Variants in SNTB1 observed in about 807,000 individuals in gnomAD.
SNTB1 encodes beta-1-syntrophin.
Under a neutral mutation model 48.9 loss-of-function variants are expected in SNTB1, and 36 were observed. The ratio of observed to expected loss-of-function variants is 0.74; its 90% CI spans 0.56 to 0.97. The LOEUF (loss-of-function observed/expected upper bound fraction) is 0.97, where lower values mean the gene tolerates loss of function less well. Ranked by LOEUF, SNTB1 falls within the 50% of genes least tolerant of loss-of-function variation. The pLI is 0.00. For missense variants in SNTB1, 786 were observed against 703.4 expected, an observed-to-expected ratio of 1.12 and a Z score of -1.33; for synonymous variants, 299 against 294.6, an observed-to-expected ratio of 1.01 and a Z score of -0.15.
intron 4 of SNTB1, among the ~76,000 whole-genome samples, chr8:120,551,254 C>CAA (rs11304538): frequency 1.2e-4 from 10 of 80,650 alleles, no homozygotes; most frequent in African/African-American, 3.4e-4. Flanking sequence ...GACTCCATCT[C>CAA]AAAAAAAAAA....
intron 1 of SNTB1, among the ~76,000 whole-genome samples, chr8:120,807,320 C>T (rs1353781416): frequency 6.6e-6 from 1 of 152,208 alleles, no homozygotes; most frequent in African/African-American, 2.4e-5. Context: ...CTGCCAAGGA[C>T]GTTTGTGCAG....
At chr8:120,711,807 C>A (rs2129919815) in intron 1 of SNTB1, among the ~76,000 whole-genome samples, 1 of 151,984 alleles carries the variant, frequency 6.6e-6, no homozygotes, top group South Asian at 2.1e-4. Flanking sequence ...GGAGCAGAAC[C>A]CAAAAAACAA....
chr8:120,786,719 TGCTGGCTTG>T (rs1182254637), intron 1 of SNTB1, among the ~76,000 whole-genome samples: 1 of 152,218 alleles, frequency 6.6e-6, no homozygotes, highest in African/African-American at 2.4e-5. Flanking sequence ...ACTGCTTTCC[TGCTGGCTTG>T]CAATGGAGGC....
intron 1 of SNTB1, among the ~76,000 whole-genome samples, chr8:120,806,538 TTAAAG>T (rs1028522440): frequency 3.3e-5 from 5 of 152,250 alleles, no homozygotes; most frequent in African/African-American, 9.6e-5. Context: ...ATGTTTAAAC[TTAAAG>T]TAGAGTTAGG....
rs1818325030 is a variant in SNTB1, at chr8:120,702,595, C to T, written c.572-8687G>A. Among the ~76,000 whole-genome samples, 5 of 151,716 alleles carry T rather than the reference C, an allele frequency of 3.3e-5. No individual in the cohort carries two copies. The South Asian group carries it at 1.0e-3, about 31-fold the overall frequency. On this transcript the variant is annotated intron_variant, in intron 1 of 6. Transcript: ENST00000517992. ...CACCAGCTGTGCTTTGTAGCAGCTTCCACTGATATCAACAGCATCAGGACC... is the reference window on the plus strand; with the variant it reads ...CACCAGCTGTGCTTTGTAGCAGCTTTCACTGATATCAACAGCATCAGGACC...
intron 4 of SNTB1, among the ~76,000 whole-genome samples, chr8:120,553,224 CAG>C (rs1815512129): frequency 1.3e-5 from 2 of 152,100 alleles, no homozygotes; most frequent in South Asian, 4.1e-4. Context: ...TTAATAAAAA[CAG>C]AGAAGAGGAA....
intron 2 of SNTB1, among the ~76,000 whole-genome samples, chr8:120,684,245 T>C (rs1408015167): frequency 6.6e-6 from 1 of 152,174 alleles, no homozygotes; most frequent in Non-Finnish European, 1.5e-5. Flanking sequence ...CTCTTAATAC[T>C]ATTACAATGG....
chr8:120,602,002 C>CA (rs1262683598), intron 3 of SNTB1, among the ~76,000 whole-genome samples: 1 of 152,100 alleles, frequency 6.6e-6, no homozygotes. Flanking sequence ...GCAAAACAAA[C>CA]AAAAAACAAA....
chr8:120,777,255 A>G (rs1819749904), intron 1 of SNTB1, among the ~76,000 whole-genome samples: 1 of 152,218 alleles, frequency 6.6e-6, no homozygotes. Flanking sequence ...AACATGTTGA[A>G]CTTGGAAAAA....
chr8:120,758,327 G>C (rs1298988169), intron 1 of SNTB1, among the ~76,000 whole-genome samples: 3 of 152,162 alleles, frequency 2.0e-5, no homozygotes, highest in African/African-American at 7.2e-5. Context: ...CACATGGGTT[G>C]AGGGGAGGAT....
chr8:120,806,905 C>T (rs1395381361), intron 1 of SNTB1, among the ~76,000 whole-genome samples: 3 of 152,182 alleles, frequency 2.0e-5, no homozygotes, highest in Non-Finnish European at 4.4e-5. Flanking sequence ...CTCCCTTGCT[C>T]CCATCTTCCT....
intron 1 of SNTB1, among the ~76,000 whole-genome samples, chr8:120,794,309 T>A (rs1036031841): frequency 2.6e-5 from 4 of 152,132 alleles, no homozygotes; most frequent in African/African-American, 9.6e-5. Context: ...CCAGCTCCCA[T>A]CAGCTCAAGT....
At chr8:120,730,749 T>C (rs897066234) in intron 1 of SNTB1, among the ~76,000 whole-genome samples, 1 of 152,172 alleles carries the variant, frequency 6.6e-6, no homozygotes, top group East Asian at 1.9e-4. Flanking sequence ...CACCTATTTT[T>C]CATGGTGATT....
chr8:120,694,275 G>A (rs957303240), intron 1 of SNTB1, among the ~76,000 whole-genome samples: 3 of 152,108 alleles, frequency 2.0e-5, no homozygotes, highest in African/African-American at 4.8e-5. Flanking sequence ...ATTCAATATA[G>A]ATGTAAGGAA....
intron 3 of SNTB1, among the ~76,000 whole-genome samples, chr8:120,596,136 TG>T (rs1264775362): frequency 2.6e-5 from 4 of 152,154 alleles, no homozygotes. Flanking sequence ...CAGAGGGATG[TG>T]GATGGTTTCA....
intron 1 of SNTB1, among the ~76,000 whole-genome samples, chr8:120,795,869 G>A (rs1820112052): frequency 6.6e-6 from 1 of 151,856 alleles, no homozygotes; most frequent in African/African-American, 2.4e-5. Context: ...TGTTCATATG[G>A]CCCCTCCCTA....
At chr8:120,808,734 A>C (rs1464757674) in intron 1 of SNTB1, among the ~76,000 whole-genome samples, 6 of 152,126 alleles carry the variant, frequency 3.9e-5, no homozygotes, top group Non-Finnish European at 7.3e-5. Flanking sequence ...GCAGGCATTG[A>C]AACTTTTCCA....
chr8:120,593,035 A>G (rs1816269742), intron 3 of SNTB1, among the ~76,000 whole-genome samples: 1 of 152,158 alleles, frequency 6.6e-6, no homozygotes, highest in South Asian at 2.1e-4. Flanking sequence ...AAAAAGGGAG[A>G]ATAAAACAAC....
At chr8:120,677,189 A>C (rs899163220) in intron 2 of SNTB1, among the ~76,000 whole-genome samples, 1 of 152,170 alleles carries the variant, frequency 6.6e-6, no homozygotes, top group Admixed American at 6.5e-5. Flanking sequence ...TTTTGGTCCA[A>C]ATTTCCACTC....
Sources: gnomAD v4.1 joint callset for allele counts (sites outside exome capture counted in the v4.1 genomes callset) on GRCh38, gnomAD v4.1.1 for gene constraint, MANE v1.5 for transcripts, NCBI Gene and HGNC (gene_info 2026-07-23, HGNC 2026-07-21) for gene names.